The following GSK3B variants were observed in gnomAD, a reference collection of about 807,000 sequenced individuals.
GSK3B encodes the protein glycogen synthase kinase 3 beta, also known as glycogen synthase kinase-3 beta.
GSK3B carries 15 observed loss-of-function variants against 56.4 expected under a neutral mutation model. That is an observed-to-expected ratio of 0.27 (90% CI 0.18 to 0.41). GSK3B has a LOEUF of 0.41. GSK3B is among the 10% of genes least tolerant of loss of function. The pLI is 1.00. For synonymous variants in GSK3B, 181 were observed against 188.9 expected, an observed-to-expected ratio of 0.96 and a Z score of 0.34; for missense variants, 300 against 513.4, an observed-to-expected ratio of 0.58 and a Z score of 4.02.
At chr3:120,076,418 G>A (rs2058367329) in intron 1 of GSK3B, among the ~76,000 whole-genome samples, 1 of 152,150 alleles carries the variant, frequency 6.6e-6, no homozygotes, top group Non-Finnish European at 1.5e-5. Flanking sequence ...ACAACCTACA[G>A]ACTGGGAAAA....
intron 3 of GSK3B, among the ~76,000 whole-genome samples, chr3:119,930,508 C>G (rs948644832): frequency 2.0e-5 from 3 of 152,102 alleles, no homozygotes; most frequent in African/African-American, 7.2e-5. Flanking sequence ...AAGATTGACA[C>G]AGACCTAGAA....
At position 119,935,016 on chromosome 3, in the gene GSK3B, C is replaced by T. The variant is rs1190881958; in HGVS notation, c.367-11533G>A. Among the ~76,000 whole-genome samples the T allele has an allele frequency of 2.6e-5, 4 of 151,908 alleles. No homozygotes were observed. The East Asian group carries it at 5.8e-4, about 22-fold the overall frequency. ...TGACAACTGATATTCAAAAGAAACT[C>T]CTAGATTATTTTTGAGCAGATGATA... On this transcript the variant is annotated intron_variant, in intron 3 of 10. Transcript: ENST00000264235.
chr3:120,037,682 C>T (rs1438654168), intron 1 of GSK3B, among the ~76,000 whole-genome samples: 1 of 151,484 alleles, frequency 6.6e-6, no homozygotes, highest in African/African-American at 2.4e-5. Context: ...ACACATCAAA[C>T]CTTTAGTCTT....
chr3:120,046,758 G>A (rs1247703173), intron 1 of GSK3B, among the ~76,000 whole-genome samples: 7 of 152,000 alleles, frequency 4.6e-5, no homozygotes, highest in Non-Finnish European at 8.8e-5. Flanking sequence ...ACAGGCATGC[G>A]CCACCATGCC....
intron 1 of GSK3B, among the ~76,000 whole-genome samples, chr3:120,060,490 G>A (rs539382378): frequency 1.8e-4 from 28 of 152,234 alleles, no homozygotes; most frequent in African/African-American, 6.7e-4. Context: ...CACTTAGGGA[G>A]CCGAGGCGGG....
At chr3:119,842,303 C>G (rs925983394) in intron 10 of GSK3B, among the ~76,000 whole-genome samples, 2 of 152,160 alleles carry the variant, frequency 1.3e-5, no homozygotes, top group Admixed American at 6.5e-5. Context: ...CACCCTAGCT[C>G]TAACCCGTGA....
intron 2 of GSK3B, among the ~76,000 whole-genome samples, chr3:119,991,262 C>T (rs2057561925): frequency 6.6e-6 from 1 of 152,138 alleles, no homozygotes; most frequent in African/African-American, 2.4e-5. Context: ...TTTATCCCCA[C>T]AACACAAATA....
chr3:119,933,677 G>A (rs2056968013), intron 3 of GSK3B, among the ~76,000 whole-genome samples: 1 of 152,080 alleles, frequency 6.6e-6, no homozygotes, highest in Non-Finnish European at 1.5e-5. Context: ...AGGAGTTCGA[G>A]CCAAGCCTGG....
At chr3:119,931,024 A>G (rs913736131) in intron 3 of GSK3B, among the ~76,000 whole-genome samples, 14 of 152,256 alleles carry the variant, frequency 9.2e-5, no homozygotes, top group African/African-American at 3.4e-4. Context: ...CAAATGTTCT[A>G]ATGTAAAATA....
intron 1 of GSK3B, among the ~76,000 whole-genome samples, chr3:120,062,480 G>A (rs1430803839): frequency 6.6e-6 from 1 of 152,188 alleles, no homozygotes; most frequent in Non-Finnish European, 1.5e-5. Context: ...GCCTAATTAT[G>A]TAATCCATAG....
chr3:120,038,774 G>A (rs1031507144), intron 1 of GSK3B, among the ~76,000 whole-genome samples: 15 of 151,624 alleles, frequency 9.9e-5, no homozygotes, highest in African/African-American at 3.6e-4. Flanking sequence ...GTAACCTTTG[G>A]TTTGACGAGG....
At chr3:120,066,495 C>T (rs993667082) in intron 1 of GSK3B, among the ~76,000 whole-genome samples, 1 of 152,098 alleles carries the variant, frequency 6.6e-6, no homozygotes, top group Admixed American at 6.6e-5. Context: ...CATATAAATA[C>T]GTACTTAAAA....
At chr3:120,034,701 G>T (rs886208610) in intron 1 of GSK3B, among the ~76,000 whole-genome samples, 3 of 152,062 alleles carry the variant, frequency 2.0e-5, no homozygotes, top group African/African-American at 7.2e-5. Flanking sequence ...GTTATGGGTT[G>T]AACTGGGTAC....
At chr3:119,842,022 C>A (rs1433667495) in intron 10 of GSK3B, among the ~76,000 whole-genome samples, 1 of 152,084 alleles carries the variant, frequency 6.6e-6, no homozygotes, top group African/African-American at 2.4e-5. Flanking sequence ...TCTGATCCAA[C>A]TCAGTTCAAG....
intron 1 of GSK3B, among the ~76,000 whole-genome samples, chr3:120,009,479 T>C (rs1357116706): frequency 2.0e-5 from 3 of 152,176 alleles, no homozygotes; most frequent in African/African-American, 7.2e-5. Flanking sequence ...TTGGCACATA[T>C]ACATCATGGA....
At chr3:120,001,926 C>T (rs1294563107) in intron 2 of GSK3B, 120 bp downstream of exon 2, 2 of 581,710 alleles carry the variant, frequency 3.4e-6, no homozygotes, top group Non-Finnish European at 5.8e-6. Context: ...AATGGTTGAG[C>T]TGAACAAAAA....
intron 3 of GSK3B, among the ~76,000 whole-genome samples, chr3:119,946,377 T>TA (rs1214003786): frequency 1.3e-5 from 2 of 152,070 alleles, no homozygotes; most frequent in African/African-American, 2.4e-5. Context: ...ACTGTTATAC[T>TA]AAAAAACAGT....
chr3:119,922,118 C>A (rs182003219), intron 4 of GSK3B, among the ~76,000 whole-genome samples: 42 of 150,612 alleles, frequency 2.8e-4, no homozygotes, highest in Admixed American at 1.1e-3. Context: ...GCCTGGGCAA[C>A]AGAGTGAAAT....
chr3:119,941,885 T>G (rs77510994), intron 3 of GSK3B, among the ~76,000 whole-genome samples: 3,930 of 152,248 alleles, frequency 0.026, 171 homozygotes, highest in African/African-American at 0.089. Flanking sequence ...CTCAAATATT[T>G]CTAGCTACAA....
Sources: gnomAD v4.1 joint callset for allele counts (sites outside exome capture counted in the v4.1 genomes callset) on GRCh38, gnomAD v4.1.1 for gene constraint, MANE v1.5 for transcripts, NCBI Gene and HGNC (gene_info 2026-07-23, HGNC 2026-07-21) for gene names.